Variants in CRYBG1 observed in about 807,000 individuals in gnomAD.
The protein encoded by CRYBG1 is crystallin beta-gamma domain containing 1, also known as beta/gamma crystallin domain-containing protein 1.
CRYBG1 carries 139 observed loss-of-function variants against 189.2 expected under a neutral mutation model. The observed-to-expected ratio is 0.73, with a 90% CI of 0.64 to 0.85. CRYBG1 has a LOEUF of 0.85. CRYBG1 is among the 40% of genes least tolerant of loss of function. The pLI is 0.00. For synonymous variants in CRYBG1, 1,023 were observed against 1,017.1 expected, an observed-to-expected ratio of 1.01 and a Z score of -0.11; for missense variants, 2,611 against 2,675.8, an observed-to-expected ratio of 0.98 and a Z score of 0.53.
chr6:106,567,113 ATACTT>A (rs1216388002), intron 21 of CRYBG1, among the ~76,000 whole-genome samples: 7 of 152,238 alleles, frequency 4.6e-5, no homozygotes, highest in Admixed American at 3.3e-4. Flanking sequence ...GTATTTTAAG[ATACTT>A]TACTTTTAAA....
intron 1 of CRYBG1, among the ~76,000 whole-genome samples, chr6:106,426,236 C>T (rs911679804): frequency 2.0e-5 from 3 of 152,170 alleles, no homozygotes; most frequent in Admixed American, 6.5e-5. Flanking sequence ...CACTCGTGCT[C>T]CTGACCCCAT....
At chr6:106,480,498 T>C (rs965365828) in intron 2 of CRYBG1, among the ~76,000 whole-genome samples, 3 of 130,790 alleles carry the variant, frequency 2.3e-5, no homozygotes, top group African/African-American at 9.7e-5. Context: ...TTTTCTCTAC[T>C]GAAAAAAAAA....
At chr6:106,550,872 G>C (rs1774382883) in intron 13 of CRYBG1, among the ~76,000 whole-genome samples, 1 of 151,828 alleles carries the variant, frequency 6.6e-6, no homozygotes, top group African/African-American at 2.4e-5. Flanking sequence ...AAAAAAAAAA[G>C]CACAGAGAAG....
At chr6:106,489,654 A>G (rs1299798847) in intron 2 of CRYBG1, among the ~76,000 whole-genome samples, 1 of 140,098 alleles carries the variant, frequency 7.1e-6, no homozygotes, top group African/African-American at 2.7e-5. Flanking sequence ...CCCTGTCTCT[A>G]CTAAAAATAC....
intron 2 of CRYBG1, among the ~76,000 whole-genome samples, chr6:106,478,385 T>C (rs1772377391): frequency 6.6e-6 from 1 of 152,210 alleles, no homozygotes; most frequent in African/African-American, 2.4e-5. Flanking sequence ...ATCTAGAAAC[T>C]GATGCATATA....
At chr6:106,396,508 A>G (rs1770613379) in intron 1 of CRYBG1, among the ~76,000 whole-genome samples, 1 of 152,198 alleles carries the variant, frequency 6.6e-6, no homozygotes. Context: ...ATTCTTTATG[A>G]CAAACTTAGC....
At chr6:106,407,307 A>G (rs544536960) in intron 1 of CRYBG1, among the ~76,000 whole-genome samples, 48 of 152,346 alleles carry the variant, frequency 3.2e-4, no homozygotes, top group African/African-American at 1.0e-3. Context: ...ACATAATGGT[A>G]AAGAGATCAA....
chr6:106,372,183 A>T (rs950025605), intron 1 of CRYBG1, among the ~76,000 whole-genome samples: 1 of 152,252 alleles, frequency 6.6e-6, no homozygotes, highest in South Asian at 2.1e-4. Flanking sequence ...GCCACTCCAT[A>T]ACTGATCAAC....
At chr6:106,459,168 G>A (rs1383432399) in intron 2 of CRYBG1, among the ~76,000 whole-genome samples, 1 of 152,210 alleles carries the variant, frequency 6.6e-6, no homozygotes, top group Non-Finnish European at 1.5e-5. Context: ...GGAAAGCTCA[G>A]TGAGTGATGT....
At chr6:106,388,985 A>G (rs1197538809) in intron 1 of CRYBG1, among the ~76,000 whole-genome samples, 1 of 152,186 alleles carries the variant, frequency 6.6e-6, no homozygotes, top group African/African-American at 2.4e-5. Context: ...ACACTGGCAT[A>G]AAGTCAGTAC....
chr6:106,469,786 T>C (rs555388634), intron 2 of CRYBG1, among the ~76,000 whole-genome samples: 1 of 152,330 alleles, frequency 6.6e-6, no homozygotes, highest in African/African-American at 2.4e-5. Flanking sequence ...AAAAGAACTT[T>C]CTTTGTAGCT....
chr6:106,523,337 A>G (rs1052884369), intron 4 of CRYBG1, among the ~76,000 whole-genome samples: 5 of 152,060 alleles, frequency 3.3e-5, no homozygotes, highest in Non-Finnish European at 5.9e-5. Flanking sequence ...AATATTAACT[A>G]TTTCTCTCAA....
In CRYBG1 at chr6:106,521,119, T is replaced by C; in HGVS notation, c.3911T>C (p.Leu1304Pro). The change falls in exon 4 of 22, where the codon CTG (leucine) becomes CCG (proline). Residue 1304 changes from leucine to proline, a missense_variant. Physicochemically the swap from Leu to Pro is moderately conservative, Grantham distance 98 (BLOSUM62 -3). Around this residue, in one of 3 missense-constraint regions of CRYBG1, gnomAD observed 1,622 missense variants for 1,735.0 expected, o/e 0.93. Coordinates refer to ENST00000633556, the MANE Select transcript of CRYBG1 (RefSeq NM_001371242.2). The part of the protein sequence containing the change: ...CGLNKEQSNL[L>P]PDNSLKVFNF... ...TTGAACAAAGAACAGTCAAATCTTC[T>C]GCCCGACAACTCCTTAAAGGTCTTC... is the stretch of plus-strand genomic sequence containing the variant. The C allele has an allele frequency of 6.2e-7, 1 of 1,614,170 alleles. No homozygotes were observed. The highest frequency in any genetic ancestry group is 8.5e-7 in the Non-Finnish European group (1 of 1,180,030).
chr6:106,384,888 GTGC>G (rs1770354444), intron 1 of CRYBG1, among the ~76,000 whole-genome samples: 3 of 146,038 alleles, frequency 2.1e-5, no homozygotes, highest in African/African-American at 2.5e-5. Flanking sequence ...TGTGTTTGGG[GTGC>G]AGTCTCTTTC....
At chr6:106,379,121 C>A (rs1459670086) in intron 1 of CRYBG1, among the ~76,000 whole-genome samples, 1 of 152,050 alleles carries the variant, frequency 6.6e-6, no homozygotes, top group African/African-American at 2.4e-5. Context: ...TGCATTTCAG[C>A]CTGGGCGATA....
At chr6:106,424,046 C>G (rs1771181048) in intron 1 of CRYBG1, among the ~76,000 whole-genome samples, 1 of 152,006 alleles carries the variant, frequency 6.6e-6, no homozygotes, top group South Asian at 2.1e-4. Context: ...TTTAAGATAA[C>G]CTAATATGCA....
intron 2 of CRYBG1, among the ~76,000 whole-genome samples, chr6:106,482,680 C>A (rs1772494580): frequency 6.6e-6 from 1 of 152,028 alleles, no homozygotes; most frequent in African/African-American, 2.4e-5. Flanking sequence ...GAGGCTGAGG[C>A]AGTAGAATGG....
At chr6:106,564,212 T>C (rs1328714872) in intron 21 of CRYBG1, among the ~76,000 whole-genome samples, 2 of 152,074 alleles carry the variant, frequency 1.3e-5, no homozygotes, top group African/African-American at 2.4e-5. Context: ...CTCAAAGGGG[T>C]TGGCCAGTTT....
chr6:106,464,939 CTATTT>C (rs1159916346), intron 2 of CRYBG1, among the ~76,000 whole-genome samples: 1 of 152,192 alleles, frequency 6.6e-6, no homozygotes, highest in African/African-American at 2.4e-5. Flanking sequence ...CTTTGCTTTT[CTATTT>C]TATTTTAAAA....
Sources: gnomAD v4.1 joint callset for allele counts (sites outside exome capture counted in the v4.1 genomes callset) on GRCh38, gnomAD v4.1.1 for gene constraint, gnomAD v4.1.1 regional missense constraint, MANE v1.5 for transcripts, NCBI Gene and HGNC (gene_info 2026-07-23, HGNC 2026-07-21) for gene names.